The following AGBL4 variants were observed in gnomAD, a reference collection of about 807,000 sequenced individuals.
The protein encoded by AGBL4 is cytosolic carboxypeptidase 6.
In AGBL4, 58 loss-of-function variants were observed where a neutral mutation model predicts 66.4. The observed-to-expected ratio is 0.87, with a 90% CI of 0.71 to 1.09. The LOEUF is 1.09. Ranked by LOEUF, AGBL4 falls within the 50% of genes least tolerant of loss-of-function variation. AGBL4 has a pLI of 0.00. For synonymous variants in AGBL4, 234 were observed against 222.9 expected (o/e 1.05, Z -0.44); for missense variants, 579 against 631.0 (o/e 0.92, Z 0.88).
chr1:49,917,960 T>C (rs1651742436), intron 1 of AGBL4, among the ~76,000 whole-genome samples: 1 of 152,152 alleles, frequency 6.6e-6, no homozygotes, highest in African/African-American at 2.4e-5. Context: ...ACCTAGAAAC[T>C]GAACAACCTG....
At chr1:49,830,801 G>A (rs1296018182) in intron 2 of AGBL4, among the ~76,000 whole-genome samples, 33 of 152,028 alleles carry the variant, frequency 2.2e-4, no homozygotes, top group Admixed American at 2.2e-3. Flanking sequence ...GTAAGGAAGG[G>A]GTCCAGTTTC....
intron 4 of AGBL4, among the ~76,000 whole-genome samples, chr1:49,190,208 G>A (rs757820657): frequency 1.2e-4 from 18 of 152,136 alleles, no homozygotes; most frequent in African/African-American, 2.7e-4. Flanking sequence ...GTCTAAAGCC[G>A]CACACAAAGT....
chr1:49,906,316 G>A (rs1169883527), intron 1 of AGBL4, among the ~76,000 whole-genome samples: 1 of 152,036 alleles, frequency 6.6e-6, no homozygotes, highest in Non-Finnish European at 1.5e-5. Context: ...AGACATATCA[G>A]TAAAGCTAAA....
intron 1 of AGBL4, among the ~76,000 whole-genome samples, chr1:49,967,890 C>T (rs769115121): frequency 3.8e-4 from 58 of 152,022 alleles, no homozygotes; most frequent in Non-Finnish European, 7.1e-4. Flanking sequence ...ATAGACTTTA[C>T]AGGGTTTTTT....
chr1:49,777,389 A>C (rs576169182), intron 2 of AGBL4, among the ~76,000 whole-genome samples: 1 of 152,324 alleles, frequency 6.6e-6, no homozygotes, highest in South Asian at 2.1e-4. Flanking sequence ...TGTATAATTT[A>C]AGTAATAGTT....
At chr1:49,029,030 C>T (rs1663978371) in intron 5 of AGBL4, among the ~76,000 whole-genome samples, 1 of 152,004 alleles carries the variant, frequency 6.6e-6, no homozygotes, top group African/African-American at 2.4e-5. Context: ...GATAAAAATA[C>T]TCAACAAACT....
chr1:49,511,147 C>T (rs1649204736), intron 3 of AGBL4, among the ~76,000 whole-genome samples: 1 of 151,858 alleles, frequency 6.6e-6, no homozygotes, highest in African/African-American at 2.4e-5. Flanking sequence ...TATAAAGACA[C>T]ACACACACGT....
intron 1 of AGBL4, among the ~76,000 whole-genome samples, chr1:49,905,276 G>A (rs1482025896): frequency 1.3e-5 from 2 of 152,080 alleles, no homozygotes; most frequent in Non-Finnish European, 2.9e-5. Flanking sequence ...TGACATGGGT[G>A]GATTAAAGCA....
chr1:48,834,936 G>A (rs1646641358), intron 6 of AGBL4, among the ~76,000 whole-genome samples: 1 of 152,148 alleles, frequency 6.6e-6, no homozygotes, highest in Non-Finnish European at 1.5e-5. Flanking sequence ...GCTGGTGGCG[G>A]CTGGCTTTCT....
intron 2 of AGBL4, among the ~76,000 whole-genome samples, chr1:49,807,120 T>TC (rs1227919463): frequency 2.6e-5 from 4 of 152,032 alleles, no homozygotes; most frequent in Non-Finnish European, 5.9e-5. Context: ...GCAGAGAGTC[T>TC]CCACTAGGTC....
At chr1:50,008,626 C>A (rs1661310594) in intron 1 of AGBL4, among the ~76,000 whole-genome samples, 1 of 150,030 alleles carries the variant, frequency 6.7e-6, no homozygotes, top group East Asian at 1.9e-4. Context: ...CAAGACAAAC[C>A]CAAAATTAAT....
At chr1:50,014,536 CTTTTTTTTTTTTT>C (rs886696766) in intron 1 of AGBL4, among the ~76,000 whole-genome samples, 124 of 109,032 alleles carry the variant, frequency 1.1e-3, no homozygotes, top group South Asian at 2.8e-3. Flanking sequence ...CAGAGGATTT[CTTTTTTTTTTTTT>C]TTTTTTTTTG....
At chr1:48,940,989 C>CA (rs1414753081) in intron 5 of AGBL4, among the ~76,000 whole-genome samples, 34 of 151,818 alleles carry the variant, frequency 2.2e-4, no homozygotes, top group Non-Finnish European at 7.4e-5. Context: ...GGGGAGTGGG[C>CA]AGGCAGAGAA....
intron 4 of AGBL4, among the ~76,000 whole-genome samples, chr1:49,046,185 A>C (rs780640260): frequency 3.9e-5 from 6 of 152,196 alleles, no homozygotes; most frequent in Admixed American, 1.3e-4. Context: ...CGGTCAGTAA[A>C]ATATTAAAAA....
intron 4 of AGBL4, among the ~76,000 whole-genome samples, 163 bp from the exon 5 acceptor site, chr1:49,045,963 C>A (rs1644069457): frequency 6.6e-6 from 1 of 152,170 alleles, no homozygotes; most frequent in African/African-American, 2.4e-5. Context: ...TTAAAACAGA[C>A]CTGAATCTGG....
chr1:49,383,222 C>A (rs1253171471), intron 3 of AGBL4, among the ~76,000 whole-genome samples: 2 of 152,126 alleles, frequency 1.3e-5, no homozygotes, highest in Non-Finnish European at 2.9e-5. Context: ...AAGTGACCTA[C>A]AGATTTATCT....
intron 4 of AGBL4, among the ~76,000 whole-genome samples, chr1:49,051,527 T>C (rs2147889277): frequency 6.6e-6 from 1 of 152,292 alleles, no homozygotes; most frequent in South Asian, 2.1e-4. Context: ...TTTCCCTTCG[T>C]GAGGGCAGCT....
At chr1:48,942,398 T>C (rs1656068752) in intron 5 of AGBL4, among the ~76,000 whole-genome samples, 1 of 151,960 alleles carries the variant, frequency 6.6e-6, no homozygotes, top group Admixed American at 6.6e-5. Flanking sequence ...CCTAGCTGAG[T>C]GACCCTGGGC....
At chr1:48,637,254 G>A (rs537524795) in intron 8 of AGBL4, among the ~76,000 whole-genome samples, 1 of 152,302 alleles carries the variant, frequency 6.6e-6, no homozygotes, top group South Asian at 2.1e-4. Flanking sequence ...TCCATTGGAG[G>A]CTGGAATGGG....
Sources: allele counts gnomAD v4.1 joint callset (sites outside exome capture counted in the v4.1 genomes callset), GRCh38; gene constraint gnomAD v4.1.1; transcripts MANE v1.5; gene names NCBI Gene and HGNC (gene_info 2026-07-23, HGNC 2026-07-21).